Variants in BACH2 observed in about 807,000 individuals in gnomAD.
The protein encoded by BACH2 is transcription regulator protein BACH2.
Under a neutral mutation model 61.8 loss-of-function variants are expected in BACH2, and 5 were observed. The observed-to-expected ratio is 0.08, with a 90% confidence interval of 0.04 to 0.17. The LOEUF is 0.17. Among genes scored for constraint, BACH2 ranks in the 10% least tolerant of loss-of-function variants. The probability of loss-of-function intolerance (pLI) is 1.00; values close to 1 mark genes in which losing one functional copy is unlikely to be tolerated. For missense variants in BACH2, 824 were observed against 1,091.1 expected (o/e 0.76, Z 3.45); for synonymous variants, 446 against 440.1 (o/e 1.01, Z -0.17).
chr6:90,124,595 G>T (rs900655737), intron 4 of BACH2, among the ~76,000 whole-genome samples: 2 of 152,112 alleles, frequency 1.3e-5, no homozygotes, highest in African/African-American at 4.8e-5. Flanking sequence ...TCTGTCCTTG[G>T]TAATAAATAC....
chr6:90,069,827 GGAA>G (rs1257165100), intron 5 of BACH2, among the ~76,000 whole-genome samples: 1 of 152,154 alleles, frequency 6.6e-6, no homozygotes, highest in Non-Finnish European at 1.5e-5. Context: ...AGAGGAGGAA[GGAA>G]GAAGAAAAAG....
intron 2 of BACH2, among the ~76,000 whole-genome samples, chr6:90,257,103 C>T (rs539162023): frequency 6.6e-6 from 1 of 152,266 alleles, no homozygotes; most frequent in Admixed American, 6.5e-5. Context: ...ATACTTACAG[C>T]CACTTCTTTC....
At chr6:90,294,414 AC>A (rs1207715012) in intron 1 of BACH2, among the ~76,000 whole-genome samples, 4 of 152,192 alleles carry the variant, frequency 2.6e-5, no homozygotes, top group Non-Finnish European at 4.4e-5. Flanking sequence ...AGTAAAAAAA[AC>A]GTTGGAAATG....
At chr6:90,208,699 C>T (rs1230849514) in intron 3 of BACH2, among the ~76,000 whole-genome samples, 1 of 152,190 alleles carries the variant, frequency 6.6e-6, no homozygotes, top group African/African-American at 2.4e-5. Flanking sequence ...AATCCCATTA[C>T]TGGGTATATA....
intron 4 of BACH2, among the ~76,000 whole-genome samples, chr6:90,140,408 C>A (rs1053608733): frequency 1.3e-5 from 2 of 152,048 alleles, no homozygotes; most frequent in Admixed American, 6.6e-5. Flanking sequence ...ACATATGCAA[C>A]AAATGGGAAT....
chr6:90,019,387 AGG>A (rs1778256062), intron 5 of BACH2, among the ~76,000 whole-genome samples: 1 of 152,212 alleles, frequency 6.6e-6, no homozygotes. Flanking sequence ...CAGTGGAAAC[AGG>A]AGTGGACCAG....
intron 2 of BACH2, among the ~76,000 whole-genome samples, chr6:90,265,232 T>C (rs1485075816): frequency 1.3e-5 from 2 of 152,200 alleles, no homozygotes; most frequent in African/African-American, 2.4e-5. Flanking sequence ...AGAGAGAGCA[T>C]GGTGGAGGAC....
intron 4 of BACH2, chr6:90,116,759 G>T: frequency 2.2e-6 from 1 of 447,928 alleles, no homozygotes; most frequent in Non-Finnish European, 4.2e-6. Context: ...AGTCTTCTTG[G>T]TTAAGTAATT....
chr6:90,145,254 C>T (rs1784578502), intron 4 of BACH2, among the ~76,000 whole-genome samples: 1 of 152,246 alleles, frequency 6.6e-6, no homozygotes, highest in Admixed American at 6.5e-5. Context: ...TCTCAAATTA[C>T]TCATAAGAGC....
chr6:90,013,667 A>C (rs541099461), intron 5 of BACH2, among the ~76,000 whole-genome samples: 18 of 150,816 alleles, frequency 1.2e-4, no homozygotes, highest in Admixed American at 3.9e-4. Flanking sequence ...CCACCATGCC[A>C]GGCTAATTTT....
rs371386234 is a variant in BACH2 at position 90,103,029 on chromosome 6, A to ATTTT, written c.-161-13924_-161-13921dup. Reference sequence around the variant, plus strand: ...TACATATATATATATATATATATATATTTTTTTTTTTTTTTTTTTTTTACC... The same window carrying ATTTT: ...TACATATATATATATATATATATATATTTTTTTTTTTTTTTTTTTTTTTTTTACC... On this transcript the variant is annotated intron_variant, in intron 4 of 8. Transcript: ENST00000257749. 9.9e-4 allele frequency among the ~76,000 whole-genome samples: 21 copies of ATTTT among 21,164 alleles called. 1 individual carries two copies. Among genetic ancestry groups the ATTTT allele is most frequent in the Admixed American group, 4.5e-3 (5 of 1,108 alleles). 13.9% of individuals were successfully genotyped at this position (21,164 alleles called of 152,430 possible).
At chr6:90,035,368 A>AC (rs1248646833) in intron 5 of BACH2, among the ~76,000 whole-genome samples, 1 of 152,178 alleles carries the variant, frequency 6.6e-6, no homozygotes, top group Non-Finnish European at 1.5e-5. Flanking sequence ...GAGAATTTTC[A>AC]CCTGGGGATG....
intron 3 of BACH2, among the ~76,000 whole-genome samples, chr6:90,234,032 C>T (rs1770183464): frequency 6.6e-6 from 1 of 152,188 alleles, no homozygotes. Flanking sequence ...CTTTCACTGG[C>T]AGAGCCACAG....
chr6:89,961,252 T>C (rs909735153), intron 6 of BACH2, among the ~76,000 whole-genome samples: 1 of 152,174 alleles, frequency 6.6e-6, no homozygotes, highest in Non-Finnish European at 1.5e-5. Context: ...TTTTTAAAAA[T>C]CCAATTTCAA....
At chr6:89,958,296 T>G (rs1181293376) in intron 6 of BACH2, among the ~76,000 whole-genome samples, 1 of 152,242 alleles carries the variant, frequency 6.6e-6, no homozygotes, top group Non-Finnish European at 1.5e-5. Context: ...CATTTTTTCA[T>G]TCTCCAACGA....
chr6:90,092,427 T>C (rs1401569227), intron 4 of BACH2, among the ~76,000 whole-genome samples: 2 of 151,690 alleles, frequency 1.3e-5, no homozygotes, highest in Non-Finnish European at 2.9e-5. Flanking sequence ...CCACATGGTA[T>C]ATTATCTTAC....
At chr6:90,203,391 CAAAAAAAAAAAAAA>C (rs34539345) in intron 4 of BACH2, among the ~76,000 whole-genome samples, 5 of 59,790 alleles carry the variant, frequency 8.4e-5, no homozygotes, top group Non-Finnish European at 5.8e-5. Flanking sequence ...TCTCTCTCTC[CAAAAAAAAAAAAAA>C]AAAAAAAAAA....
chr6:90,267,511 A>T (rs1771377012), intron 2 of BACH2, among the ~76,000 whole-genome samples: 1 of 152,230 alleles, frequency 6.6e-6, no homozygotes, highest in Admixed American at 6.5e-5. Flanking sequence ...GACATCATGC[A>T]TGAGTCACTG....
At chr6:90,043,612 T>A (rs1779646044) in intron 5 of BACH2, among the ~76,000 whole-genome samples, 1 of 151,310 alleles carries the variant, frequency 6.6e-6, no homozygotes, top group African/African-American at 2.4e-5. Context: ...AAGACACTCA[T>A]CTCATTCACC....
Sources: gnomAD v4.1 joint callset for allele counts (sites outside exome capture counted in the v4.1 genomes callset) on GRCh38, gnomAD v4.1.1 for gene constraint, MANE v1.5 for transcripts, NCBI Gene and HGNC (gene_info 2026-07-23, HGNC 2026-07-21) for gene names.